The following TG variants were observed in gnomAD, a reference collection of about 807,000 sequenced individuals.
TG encodes the protein thyroglobulin.
In TG, 270 loss-of-function variants were observed where a neutral mutation model predicts 324.7. That is an observed-to-expected ratio of 0.83 (90% CI 0.75 to 0.92). TG has a LOEUF of 0.92. TG is among the 40% of genes least tolerant of loss of function. The pLI, the probability that TG is intolerant of heterozygous loss-of-function variation, is 0.00. For missense variants in TG, 3,591 were observed against 3,456.4 expected (o/e 1.04, Z -0.98); for synonymous variants, 1,401 against 1,327.0 (o/e 1.06, Z -1.21).
chr8:132,967,223 C>T (rs1420949940), intron 30 of TG, among the ~76,000 whole-genome samples: 2 of 131,918 alleles, frequency 1.5e-5, no homozygotes, highest in Non-Finnish European at 3.6e-5. Flanking sequence ...TCCATCCATC[C>T]ATCCATCCAT....
intron 35 of TG, chr8:132,994,638 T>C (rs1358687290): frequency 7.9e-7 from 1 of 1,270,136 alleles, no homozygotes; most frequent in Admixed American, 2.4e-5. Flanking sequence ...TTCTCCCTTG[T>C]TGAGTGTGCT....
chr8:132,959,824 T>C (rs759251259), intron 27 of TG, among the ~76,000 whole-genome samples: 1 of 152,228 alleles, frequency 6.6e-6, no homozygotes, highest in Admixed American at 6.5e-5. Context: ...TGCAAGCTTG[T>C]CCAGTCCACC....
At chr8:132,883,503 A>G (rs1220710012) in intron 8 of TG, among the ~76,000 whole-genome samples, 13 of 152,160 alleles carry the variant, frequency 8.5e-5, no homozygotes. Flanking sequence ...TTGATATGCT[A>G]ATGATCATCT....
intron 26 of TG, among the ~76,000 whole-genome samples, chr8:132,943,700 C>T (rs1441879905): frequency 6.6e-6 from 1 of 152,130 alleles, no homozygotes. Context: ...TCCTTCTCTA[C>T]CACAGCCAGA....
chr8:133,093,489 G>A (rs62516035), intron 41 of TG, among the ~76,000 whole-genome samples: 6,543 of 152,258 alleles, frequency 0.043, 199 homozygotes, highest in Non-Finnish European at 0.065. Flanking sequence ...AGAAAATCAC[G>A]TGTATCTCCC....
At chr8:133,085,793 T>C (rs1173153615) in intron 41 of TG, among the ~76,000 whole-genome samples, 1 of 152,214 alleles carries the variant, frequency 6.6e-6, no homozygotes, top group Non-Finnish European at 1.5e-5. Flanking sequence ...ATGCGGCCAC[T>C]TTGACAAACA....
At chr8:133,092,110 T>C (rs1847647391) in intron 41 of TG, among the ~76,000 whole-genome samples, 1 of 152,162 alleles carries the variant, frequency 6.6e-6, no homozygotes. Flanking sequence ...ATCTCCAGGA[T>C]TTTTAAAAGA....
intron 35 of TG, among the ~76,000 whole-genome samples, chr8:132,997,160 T>C (rs974954283): frequency 1.3e-5 from 2 of 152,242 alleles, no homozygotes; most frequent in Non-Finnish European, 2.9e-5. Context: ...TTCAGTCCAC[T>C]TGAGCACCAA....
chr8:133,073,392 G>T (rs1315759548), intron 41 of TG: 2 of 151,908 alleles, frequency 1.3e-5, no homozygotes, highest in African/African-American at 2.4e-5. Flanking sequence ...TTTCGCTATT[G>T]TTGCCCAGGC....
At chr8:133,062,442 C>T (rs983156879) in intron 41 of TG, among the ~76,000 whole-genome samples, 6 of 152,370 alleles carry the variant, frequency 3.9e-5, no homozygotes, top group South Asian at 2.1e-4. Flanking sequence ...CCACATTCCC[C>T]GCAGTTCAGC....
intron 43 of TG, among the ~76,000 whole-genome samples, chr8:133,109,449 C>T (rs974569096): frequency 1.3e-5 from 2 of 152,168 alleles, no homozygotes; most frequent in Non-Finnish European, 2.9e-5. Flanking sequence ...TACGAGAGAA[C>T]ATTTGGTGTT....
intron 41 of TG, among the ~76,000 whole-genome samples, chr8:133,030,902 T>C (rs1836578639): frequency 6.6e-6 from 1 of 152,228 alleles, no homozygotes; most frequent in African/African-American, 2.4e-5. Context: ...GGAGCAGAGA[T>C]GAGCCAGACT....
intron 41 of TG, chr8:133,059,091 C>A (rs543601432): frequency 4.4e-6 from 2 of 456,284 alleles, no homozygotes; most frequent in East Asian, 7.0e-5. Context: ...CTGGCTCAGT[C>A]CACTTCCCTG....
At chr8:133,024,755 G>A (rs984719127) in intron 40 of TG, among the ~76,000 whole-genome samples, 3 of 151,030 alleles carry the variant, frequency 2.0e-5, no homozygotes, top group Non-Finnish European at 4.4e-5. Flanking sequence ...CTTTTTTATG[G>A]CTGCATAGTA....
chr8:132,943,435 G>A (rs1053184750), intron 26 of TG, among the ~76,000 whole-genome samples: 4 of 152,106 alleles, frequency 2.6e-5, no homozygotes, highest in Non-Finnish European at 4.4e-5. Flanking sequence ...AGAATCATGA[G>A]CCAATTAAAT....
Position 132,972,682 on chromosome 8 carries a change from A to G in TG, c.6140A>G (p.Asp2047Gly). 1 of 1,611,688 alleles carries G rather than the reference A, an allele frequency of 6.2e-7. No homozygotes were observed. The highest frequency in any genetic ancestry group is 8.5e-7 in the Non-Finnish European group (1 of 1,179,710). The change falls in exon 34 of 48, where the codon GAC becomes GGC. Residue 2047 changes from aspartate (D) to glycine (G), a missense_variant. Coordinates refer to ENST00000220616, the MANE Select transcript of TG (RefSeq NM_003235.5). ...AATGGAGGAGCCTGGCGCATTTTGG[A>G]CTGTGGCTCTCCTGACATTGAAGTC... ...EENGGAWRIL[D>G]CGSPDIEVHT...
At chr8:133,134,061 A>G (rs1211335636) in intron 47 of TG, among the ~76,000 whole-genome samples, 1 of 152,254 alleles carries the variant, frequency 6.6e-6, no homozygotes, top group Non-Finnish European at 1.5e-5. Flanking sequence ...AGCCAGGGGA[A>G]AAGTGGGCAT....
rs142476625 is a variant in TG at position 133,095,035 on chromosome 8, C to G, written c.7240-9C>G. ...GAACCATCTGCCCTGAGCCTGCTTT[C>G]TCTTCCAGGGAGGCTCCGCACTCTC... On this transcript the variant is annotated splice_polypyrimidine_tract_variant and intron_variant, in intron 41 of 47. Transcript: ENST00000220616. 2.9e-5 allele frequency: 46 copies of G among 1,613,226 alleles called. No homozygotes were observed. The highest frequency in any genetic ancestry group is 3.4e-5 in the Non-Finnish European group (40 of 1,180,000).
chr8:133,074,099 G>A (rs563907392), intron 41 of TG, among the ~76,000 whole-genome samples: 68 of 152,206 alleles, frequency 4.5e-4, no homozygotes, highest in African/African-American at 1.6e-3. Flanking sequence ...TGTGGAGTGT[G>A]CCATATTTCT....
Sources: gnomAD v4.1 joint callset for allele counts (sites outside exome capture counted in the v4.1 genomes callset) on GRCh38, gnomAD v4.1.1 for gene constraint, MANE v1.5 for transcripts, NCBI Gene and HGNC (gene_info 2026-07-23, HGNC 2026-07-21) for gene names.